NTN1: variants seen among roughly 807,000 people sequenced by gnomAD.
NTN1 encodes the protein netrin-1.
A neutral mutation model predicts 54.2 loss-of-function variants in NTN1; 11 were observed. The observed-to-expected ratio is 0.20, with a 90% CI of 0.13 to 0.34. The LOEUF (loss-of-function observed/expected upper bound fraction) is 0.34, where lower values mean the gene tolerates loss of function less well. NTN1 is among the 10% of genes least tolerant of loss of function. NTN1 has a pLI of 1.00. For missense variants in NTN1, 740 were observed against 893.1 expected, an observed-to-expected ratio of 0.83 and a Z score of 2.18; for synonymous variants, 371 against 382.0, an observed-to-expected ratio of 0.97 and a Z score of 0.33.
chr17:9,230,571 A>G (rs1305430768), intron 6 of NTN1, among the ~76,000 whole-genome samples: 1 of 152,080 alleles, frequency 6.6e-6, no homozygotes, highest in Non-Finnish European at 1.5e-5. Flanking sequence ...GTCGGTCCCC[A>G]TGACAGCTCG....
intron 2 of NTN1, among the ~76,000 whole-genome samples, chr17:9,081,831 A>T (rs2092072235): frequency 6.6e-6 from 1 of 152,236 alleles, no homozygotes; most frequent in Admixed American, 6.5e-5. Context: ...CATTGAAGAA[A>T]GTCAGATAAA....
chr17:9,056,810 C>T (rs1255064919), intron 2 of NTN1, among the ~76,000 whole-genome samples: 2 of 152,210 alleles, frequency 1.3e-5, no homozygotes, highest in Non-Finnish European at 1.5e-5. Flanking sequence ...GCAGGGGCTC[C>T]ACCCCGTGAG....
intron 2 of NTN1, among the ~76,000 whole-genome samples, chr17:9,138,294 G>T (rs1286110355): frequency 6.6e-6 from 1 of 152,206 alleles, no homozygotes; most frequent in Non-Finnish European, 1.5e-5. Flanking sequence ...GGCCTAGGAA[G>T]CTCAAATAGA....
intron 2 of NTN1, among the ~76,000 whole-genome samples, chr17:9,037,569 A>G (rs2091907274): frequency 6.6e-6 from 1 of 152,188 alleles, no homozygotes; most frequent in South Asian, 2.1e-4. Context: ...GAAAATTATT[A>G]TATCAAATGA....
chr17:9,216,457 A>G lies in NTN1; in HGVS notation c.1412-4711A>G, dbSNP rs566103123. 1.8e-4 allele frequency among the ~76,000 whole-genome samples: 27 copies of G among 152,238 alleles called. No homozygotes were observed. The South Asian group carries it at 2.5e-3, about 14-fold the overall frequency. On this transcript the variant is annotated intron_variant, in intron 5 of 6. Coordinates refer to ENST00000173229, the MANE Select transcript of NTN1 (RefSeq NM_004822.3). ...CACCTATTGTGTATGGCTGTTTTTAAGCTACAGTGACAAAGATGAATAGTT... is the reference window on the plus strand; with the variant it reads ...CACCTATTGTGTATGGCTGTTTTTAGGCTACAGTGACAAAGATGAATAGTT...
intron 2 of NTN1, among the ~76,000 whole-genome samples, chr17:9,027,943 G>A (rs945047680): frequency 2.0e-5 from 3 of 151,954 alleles, no homozygotes; most frequent in Non-Finnish European, 2.9e-5. Flanking sequence ...GGCCAACATC[G>A]TGAAACCCCG....
intron 2 of NTN1, among the ~76,000 whole-genome samples, chr17:9,101,388 G>A (rs1238059808): frequency 6.6e-6 from 1 of 152,236 alleles, no homozygotes. Context: ...TGTTTGAGAT[G>A]TGTGTCCCAA....
At chr17:9,230,449 C>CT (rs1905767515) in intron 6 of NTN1, among the ~76,000 whole-genome samples, 3 of 5,340 alleles carry the variant, frequency 5.6e-4, no homozygotes, top group African/African-American at 2.2e-3. Context: ...CCAGATGTGA[C>CT]CCCCCCCCCG....
intron 2 of NTN1, 117 bp from the exon 3 acceptor site, chr17:9,162,696 C>A: frequency 1.0e-6 from 1 of 953,662 alleles, no homozygotes; most frequent in Non-Finnish European, 1.6e-6. Flanking sequence ...AGTCTGCCTG[C>A]CTGGCTCTGC....
the NTN1 span, among the ~76,000 whole-genome samples, chr17:9,011,107 G>A: frequency 1.3e-5 from 2 of 152,140 alleles, no homozygotes; most frequent in Non-Finnish European, 2.9e-5. Flanking sequence ...AGAATCTAAC[G>A]CAGCTGAAGA....
At chr17:9,031,714 G>A (rs974444872) in intron 2 of NTN1, among the ~76,000 whole-genome samples, 4 of 152,136 alleles carry the variant, frequency 2.6e-5, no homozygotes, top group African/African-American at 9.7e-5. Flanking sequence ...GGAGGTTGAG[G>A]CAGGCAGATT....
At chr17:9,089,940 G>C (rs1350521471) in intron 2 of NTN1, among the ~76,000 whole-genome samples, 1 of 151,992 alleles carries the variant, frequency 6.6e-6, no homozygotes, top group African/African-American at 2.4e-5. Flanking sequence ...TAGTTACTAA[G>C]CAAAATTATC....
chr17:9,150,221 T>C (rs1341074056), intron 2 of NTN1, among the ~76,000 whole-genome samples: 1 of 151,842 alleles, frequency 6.6e-6, no homozygotes, highest in Non-Finnish European at 1.5e-5. Flanking sequence ...ACATAATAAA[T>C]AAATAAGGAA....
chr17:9,238,080 G>C (rs541328922), intron 6 of NTN1, among the ~76,000 whole-genome samples: 123 of 152,292 alleles, frequency 8.1e-4, no homozygotes, highest in Middle Eastern at 3.4e-3. Context: ...CCCATCCCCT[G>C]GTCCATGTGT....
chr17:9,151,839 G>C (rs1239631783), intron 2 of NTN1, among the ~76,000 whole-genome samples: 4 of 152,184 alleles, frequency 2.6e-5, no homozygotes, highest in African/African-American at 9.7e-5. Flanking sequence ...TCAGCACTCT[G>C]TAGCTAGCAA....
intron 2 of NTN1, among the ~76,000 whole-genome samples, chr17:9,159,321 C>T (rs2092351274): frequency 6.6e-6 from 1 of 152,138 alleles, no homozygotes. Flanking sequence ...AAATTAAAAT[C>T]GTCTGTGTGT....
intron 5 of NTN1, among the ~76,000 whole-genome samples, chr17:9,188,030 A>T (rs1197017418): frequency 6.6e-6 from 1 of 152,222 alleles, no homozygotes; most frequent in Admixed American, 6.5e-5. Flanking sequence ...TTTAATAGGT[A>T]CAGGTTTTCC....
the NTN1 span, among the ~76,000 whole-genome samples, chr17:9,007,656 CCCTT>C: frequency 1.4e-5 from 2 of 146,524 alleles, no homozygotes; most frequent in African/African-American, 2.5e-5. Flanking sequence ...TTCCTTCCCT[CCCTT>C]CCTTCCTTCC....
chr17:9,021,464 C>G (rs894458981), upstream of NTN1: 1 of 150,228 alleles, frequency 6.7e-6, no homozygotes, highest in Non-Finnish European at 1.5e-5. Context: ...GCCGGCGCCC[C>G]GCCCGGCGGC....
Sources: gnomAD v4.1 joint callset for allele counts (sites outside exome capture counted in the v4.1 genomes callset) on GRCh38, gnomAD v4.1.1 for gene constraint, MANE v1.5 for transcripts, NCBI Gene and HGNC (gene_info 2026-07-23, HGNC 2026-07-21) for gene names.